Variants in FCF1 observed in about 807,000 individuals in gnomAD.
FCF1 encodes the protein FCF1 rRNA-processing protein, also known as rRNA-processing protein FCF1 homolog.
A neutral mutation model predicts 32.5 loss-of-function variants in FCF1; 17 were observed. The observed-to-expected ratio is 0.52, with a 90% CI of 0.36 to 0.78. The LOEUF is 0.78. Among genes scored for constraint, FCF1 ranks in the 30% least tolerant of loss-of-function variants. FCF1 has a pLI of 0.00. For synonymous variants in FCF1, 84 were observed against 78.4 expected, an observed-to-expected ratio of 1.07 and a Z score of -0.38; for missense variants, 201 against 241.1, an observed-to-expected ratio of 0.83 and a Z score of 1.10.
At chr14:74,720,046 G>A (rs2090479408) in intron 4 of FCF1, among the ~76,000 whole-genome samples, 1 of 152,140 alleles carries the variant, frequency 6.6e-6, no homozygotes, top group Non-Finnish European at 1.5e-5. Context: ...GGAGGCTGAT[G>A]CAGGAAAATC....
chr14:74,729,554 C>T (rs1295131068), intron 5 of FCF1, among the ~76,000 whole-genome samples: 2 of 152,120 alleles, frequency 1.3e-5, no homozygotes, highest in African/African-American at 4.8e-5. Context: ...AAAAAACCAG[C>T]TCCTGGATTC....
chr14:74,727,122 A>C (rs1310906511), intron 5 of FCF1, among the ~76,000 whole-genome samples: 2 of 152,310 alleles, frequency 1.3e-5, no homozygotes, highest in Middle Eastern at 3.4e-3. Context: ...GTATATATCC[A>C]GTAATGGGAT....
chr14:74,722,782 G>T (rs554145384), intron 4 of FCF1, among the ~76,000 whole-genome samples: 36 of 149,810 alleles, frequency 2.4e-4, no homozygotes, highest in Non-Finnish European at 3.6e-4. Context: ...AAAAAAAAAT[G>T]TTTTTTTTTA....
intron 6 of FCF1, among the ~76,000 whole-genome samples, chr14:74,733,545 G>A (rs2090665413): frequency 6.6e-6 from 1 of 152,124 alleles, no homozygotes; most frequent in Admixed American, 6.5e-5. Flanking sequence ...TCACCTGACA[G>A]CTAAATATTA....
chr14:74,736,939 A>G lies in FCF1; in HGVS notation c.*2009A>G, dbSNP rs1259594377. On this transcript the variant is annotated 3_prime_UTR_variant, in exon 8 of 8. Transcript: ENST00000341162. ...CATGTCATGGGCACATAAAGGTGGA[A>G]TGATTTTTTTCTACTGGTTGGGATG... 1 of 152,214 alleles carries G rather than the reference A, an allele frequency of 6.6e-6. No individual in the cohort carries two copies. The highest frequency in any genetic ancestry group is 1.9e-4 in the East Asian group (1 of 5,202). The allele number at this position is 152,214 out of a possible 1,614,324, so 9.4% of individuals were successfully genotyped here. A position where few individuals can be genotyped will look rare whatever the true frequency, so the allele number is the denominator to read the frequency against.
chr14:74,713,722 A>G (rs2090368770), intron 2 of FCF1, 170 bp downstream of exon 2: 2 of 633,580 alleles, frequency 3.2e-6, no homozygotes, highest in Non-Finnish European at 5.6e-6. Context: ...GAGCGATCAC[A>G]CTGGGAAAGG....
At chr14:74,723,828 CAAAAA>C (rs11396572) in intron 5 of FCF1, among the ~76,000 whole-genome samples, 1 of 111,814 alleles carries the variant, frequency 8.9e-6, no homozygotes, top group African/African-American at 4.4e-5. Flanking sequence ...AACTCTGTCT[CAAAAA>C]AAAAAAAAAA....
intron 1 of FCF1, 139 bp downstream of exon 1, chr14:74,713,339 G>C: frequency 6.3e-7 from 1 of 1,585,150 alleles, no homozygotes; most frequent in Non-Finnish European, 8.6e-7. Context: ...ACTTCTCCAA[G>C]CGGTGACTGT....
At chr14:74,720,450 A>G (rs899191096) in intron 4 of FCF1, among the ~76,000 whole-genome samples, 3 of 152,200 alleles carry the variant, frequency 2.0e-5, no homozygotes, top group Non-Finnish European at 4.4e-5. Flanking sequence ...ATAGAATCTT[A>G]TAATATTTGG....
At chr14:74,727,731 A>C (rs559656112) in intron 5 of FCF1, among the ~76,000 whole-genome samples, 1 of 152,138 alleles carries the variant, frequency 6.6e-6, no homozygotes, top group Non-Finnish European at 1.5e-5. Context: ...TAGGGTTTTT[A>C]TGGTTTTAGG....
chr14:74,715,026 CTTATTTG>C (rs1433610080), intron 3 of FCF1, 83 bp downstream of exon 3: 2 of 1,392,614 alleles, frequency 1.4e-6, no homozygotes, highest in Non-Finnish European at 1.9e-6. Context: ...GGTTTGCTAA[CTTATTTG>C]TTAGTAAGTC....
At chr14:74,713,573 G>T (rs995205994) in intron 2 of FCF1, 21 bp downstream of exon 2, 1 of 1,596,676 alleles carries the variant, frequency 6.3e-7, no homozygotes, top group Non-Finnish European at 8.6e-7. Context: ...GGAATCAACT[G>T]CCCAGGGATA....
rs1487247316 is a variant in FCF1 at position 74,733,947 on chromosome 14, T to C, written c.454-129T>C. The C allele has an allele frequency of 5.0e-6, 3 of 605,980 alleles. No individual in the cohort carries two copies. In the African/African-American group the frequency reaches 5.5e-5, roughly 11 times the overall value. 37.5% of individuals were successfully genotyped at this position (605,980 alleles called of 1,614,324 possible). Reference sequence around the variant, plus strand: ...ATAGTAGGTACTCAACAAATTGTTATAGCCTGCCCTTCGCTACTTACTGTG... The same window carrying C: ...ATAGTAGGTACTCAACAAATTGTTACAGCCTGCCCTTCGCTACTTACTGTG... On this transcript the variant is annotated intron_variant, in intron 6 of 7. Coordinates refer to ENST00000341162, the MANE Select transcript of FCF1 (RefSeq NM_015962.5).
At chr14:74,725,304 A>G (rs2090561354) in intron 5 of FCF1, among the ~76,000 whole-genome samples, 2 of 150,800 alleles carry the variant, frequency 1.3e-5, no homozygotes, top group Non-Finnish European at 3.0e-5. Flanking sequence ...AACATGGTGA[A>G]ACCCTGTCTC....
At chr14:74,721,079 C>G (rs978359794) in intron 4 of FCF1, among the ~76,000 whole-genome samples, 5 of 149,374 alleles carry the variant, frequency 3.3e-5, no homozygotes, top group African/African-American at 9.9e-5. Flanking sequence ...GAGCCTCACT[C>G]TGTTACCCGG....
rs561001870 is a variant in FCF1, at chr14:74,724,748, T to TA, written c.365+1411dup. ...GGTGAAACCCTGTCTCCACAAAAAG[T>TA]AAAAAAATTAACCAGGTGTGGTGGC... On this transcript the variant is annotated intron_variant, in intron 5 of 7. Transcript: ENST00000341162. Among the ~76,000 whole-genome samples, 304 of 151,790 alleles carry TA rather than the reference T, an allele frequency of 2.0e-3. 1 individual carries two copies. Among genetic ancestry groups the TA allele is most frequent in the Middle Eastern group, 6.8e-3 (2 of 292 alleles).
chr14:74,732,589 A>T, intron 5 of FCF1, 142 bp from the exon 6 acceptor site: 1 of 627,210 alleles, frequency 1.6e-6, no homozygotes, highest in East Asian at 2.7e-5. Context: ...TGCCCCGTGA[A>T]TTGTCTTTCC....
At chr14:74,719,512 A>G (rs1001329237) in intron 4 of FCF1, among the ~76,000 whole-genome samples, 1 of 151,784 alleles carries the variant, frequency 6.6e-6, no homozygotes, top group Non-Finnish European at 1.5e-5. Context: ...TGTAATCCCA[A>G]CGCTTTGGGA....
chr14:74,726,154 A>G (rs919528370), intron 5 of FCF1, among the ~76,000 whole-genome samples: 9 of 151,904 alleles, frequency 5.9e-5, no homozygotes, highest in African/African-American at 1.7e-4. Flanking sequence ...TTATGCGCCA[A>G]TGTGGATAAA....
Sources: allele counts gnomAD v4.1 joint callset (sites outside exome capture counted in the v4.1 genomes callset), GRCh38; gene constraint gnomAD v4.1.1; transcripts MANE v1.5; gene names NCBI Gene and HGNC (gene_info 2026-07-23, HGNC 2026-07-21).